MACROD2: variants seen among roughly 807,000 people sequenced by gnomAD.
The protein encoded by MACROD2 is ADP-ribose glycohydrolase MACROD2.
A neutral mutation model predicts 70.4 loss-of-function variants in MACROD2; 36 were observed. The observed-to-expected ratio is 0.51, with a 90% CI of 0.39 to 0.68. The LOEUF is 0.68. Ranked by LOEUF, MACROD2 falls within the 30% of genes least tolerant of loss-of-function variation. The pLI, the probability that MACROD2 is intolerant of heterozygous loss-of-function variation, is 0.00. For missense variants in MACROD2, 496 were observed against 538.4 expected, an observed-to-expected ratio of 0.92 and a Z score of 0.78; for synonymous variants, 172 against 178.8, an observed-to-expected ratio of 0.96 and a Z score of 0.30.
chr20:15,114,579 C>G (rs1267598559), intron 5 of MACROD2, among the ~76,000 whole-genome samples: 1 of 152,170 alleles, frequency 6.6e-6, no homozygotes, highest in Admixed American at 6.5e-5. Flanking sequence ...CAAAAAGGAA[C>G]ACAGCTTGGC....
At chr20:15,584,037 G>A (rs2048562970) in intron 8 of MACROD2, among the ~76,000 whole-genome samples, 1 of 151,702 alleles carries the variant, frequency 6.6e-6, no homozygotes, top group East Asian at 2.0e-4. Context: ...AACTTTAAAA[G>A]TTAGGAGTAA....
chr20:14,549,133 T>A (rs1444296015), intron 4 of MACROD2, among the ~76,000 whole-genome samples: 2 of 152,194 alleles, frequency 1.3e-5, no homozygotes. Context: ...CAGCAATGAC[T>A]GCCATGCACA....
intron 3 of MACROD2, among the ~76,000 whole-genome samples, chr20:14,299,682 A>G (rs1238380919): frequency 2.0e-5 from 3 of 152,208 alleles, no homozygotes; most frequent in African/African-American, 7.2e-5. Context: ...ATAAAACTTA[A>G]AAACAAACCC....
rs372622556 is a variant in MACROD2, at chr20:15,143,533, T to A, written c.419-86407T>A. On this transcript the variant is annotated intron_variant, in intron 5 of 17. Coordinates refer to ENST00000684519, the MANE Select transcript of MACROD2 (RefSeq NM_001351661.2). ...TTAGTTTAATTAGATCCCATTTGTC[T>A]ATTTTGGCTTTTGTTGCCATTGCTT... is the stretch of plus-strand genomic sequence containing the variant. Among the ~76,000 whole-genome samples the A allele has an allele frequency of 1.0e-3, 155 of 152,156 alleles. 2 individuals carry two copies. In the South Asian group the frequency reaches 0.014, roughly 14 times the overall value.
chr20:14,095,587 C>T (rs4431014), intron 3 of MACROD2, among the ~76,000 whole-genome samples: 79,809 of 151,946 alleles, frequency 0.53, 22,660 homozygotes, highest in Non-Finnish European at 0.62. Flanking sequence ...AATTCTTTCA[C>T]ACAGAAGCTA....
intron 15 of MACROD2, among the ~76,000 whole-genome samples, chr20:15,997,223 T>C (rs1245512300): frequency 6.6e-6 from 1 of 152,198 alleles, no homozygotes; most frequent in Non-Finnish European, 1.5e-5. Flanking sequence ...AGGATTGTTT[T>C]CTTTTTTTAT....
intron 3 of MACROD2, among the ~76,000 whole-genome samples, chr20:14,332,087 A>G (rs1190408658): frequency 6.6e-6 from 1 of 152,174 alleles, no homozygotes; most frequent in Non-Finnish European, 1.5e-5. Flanking sequence ...TTTAACTATA[A>G]AACACTTAAA....
At chr20:15,891,555 G>A in intron 10 of MACROD2, among the ~76,000 whole-genome samples, 1 of 152,140 alleles carries the variant, frequency 6.6e-6, no homozygotes, top group South Asian at 2.1e-4. Flanking sequence ...TGCTGGTCTG[G>A]GCTACTGTGG....
At chr20:15,177,366 TG>T (rs1331748779) in intron 5 of MACROD2, among the ~76,000 whole-genome samples, 1 of 152,166 alleles carries the variant, frequency 6.6e-6, no homozygotes, top group African/African-American at 2.4e-5. Flanking sequence ...CCCTGCCTGT[TG>T]GGGGTGGAGT....
At chr20:15,429,950 A>G (rs2046344024) in intron 6 of MACROD2, among the ~76,000 whole-genome samples, 1 of 151,998 alleles carries the variant, frequency 6.6e-6, no homozygotes, top group African/African-American at 2.4e-5. Context: ...CTGAGTCTTC[A>G]ATGAATTATT....
intron 3 of MACROD2, among the ~76,000 whole-genome samples, chr20:14,206,902 A>G (rs1347214053): frequency 6.6e-6 from 1 of 152,202 alleles, no homozygotes; most frequent in Non-Finnish European, 1.5e-5. Flanking sequence ...GCATACAAGA[A>G]GAGATTTTTA....
At chr20:14,996,852 G>A (rs1283280289) in intron 5 of MACROD2, among the ~76,000 whole-genome samples, 1 of 152,192 alleles carries the variant, frequency 6.6e-6, no homozygotes, top group Non-Finnish European at 1.5e-5. Context: ...GCGGGTTTGA[G>A]CTAGCTCCAC....
chr20:15,538,964 T>C (rs1009278704), intron 8 of MACROD2, among the ~76,000 whole-genome samples: 5 of 152,118 alleles, frequency 3.3e-5, no homozygotes, highest in Admixed American at 3.3e-4. Context: ...TGGGCATACC[T>C]AATAAATAAT....
At chr20:15,923,864 T>G in intron 10 of MACROD2, among the ~76,000 whole-genome samples, 1 of 152,254 alleles carries the variant, frequency 6.6e-6, no homozygotes, top group Middle Eastern at 3.2e-3. Context: ...AGATTTATTC[T>G]GGTACAATGT....
chr20:14,284,930 C>T (rs987152130), intron 3 of MACROD2, among the ~76,000 whole-genome samples: 1 of 152,064 alleles, frequency 6.6e-6, no homozygotes, highest in African/African-American at 2.4e-5. Flanking sequence ...GATTATATGG[C>T]ATCAGATAAG....
At chr20:15,194,691 C>T (rs1231901609) in intron 5 of MACROD2, among the ~76,000 whole-genome samples, 3 of 151,958 alleles carry the variant, frequency 2.0e-5, no homozygotes, top group African/African-American at 4.8e-5. Context: ...AATGACAGTA[C>T]CATGAAATTA....
At chr20:15,804,541 C>T (rs2063752558) in intron 8 of MACROD2, among the ~76,000 whole-genome samples, 1 of 152,088 alleles carries the variant, frequency 6.6e-6, no homozygotes, top group South Asian at 2.1e-4. Context: ...TGCCTTATGC[C>T]ATGGTAATAA....
intron 5 of MACROD2, among the ~76,000 whole-genome samples, chr20:14,941,753 A>C (rs574005602): frequency 6.6e-6 from 1 of 151,404 alleles, no homozygotes; most frequent in Admixed American, 6.6e-5. Flanking sequence ...TTTAGTTAGC[A>C]TCAAGATTCT....
At chr20:14,000,570 T>C (rs2052720472) in intron 1 of MACROD2, among the ~76,000 whole-genome samples, 1 of 152,204 alleles carries the variant, frequency 6.6e-6, no homozygotes, top group Non-Finnish European at 1.5e-5. Context: ...GTATGAGAAA[T>C]AACTGTCTCT....
Sources: allele counts gnomAD v4.1 joint callset (sites outside exome capture counted in the v4.1 genomes callset), GRCh38; gene constraint gnomAD v4.1.1; transcripts MANE v1.5; gene names NCBI Gene and HGNC (gene_info 2026-07-23, HGNC 2026-07-21).